Variants in DEPTOR observed in about 807,000 individuals in gnomAD.
DEPTOR encodes the protein DEP domain-containing mTOR-interacting protein.
In DEPTOR, 41 loss-of-function variants were observed where a neutral mutation model predicts 41.6. The observed-to-expected ratio is 0.98, with a 90% confidence interval of 0.77 to 1.28. DEPTOR has a LOEUF of 1.28. DEPTOR is among the 50% of genes most tolerant of loss of function. DEPTOR has a pLI of 0.00. For synonymous variants in DEPTOR, 195 were observed against 192.3 expected (o/e 1.01, Z -0.12); for missense variants, 514 against 527.9 (o/e 0.97, Z 0.26).
intron 4 of DEPTOR, among the ~76,000 whole-genome samples, chr8:119,997,685 G>C (rs1037073301): frequency 3.3e-5 from 5 of 152,296 alleles, no homozygotes; most frequent in African/African-American, 7.2e-5. Flanking sequence ...TGGCACTGGT[G>C]CTCTCTTAGT....
chr8:119,980,356 G>A (rs1475469519), intron 4 of DEPTOR, among the ~76,000 whole-genome samples: 4 of 152,096 alleles, frequency 2.6e-5, no homozygotes, highest in African/African-American at 7.2e-5. Context: ...AGGCTCACGT[G>A]GCTAGTGGCT....
intron 4 of DEPTOR, among the ~76,000 whole-genome samples, chr8:119,989,233 T>TCAAGTGACCCTTGTG (rs1828868650): frequency 6.6e-6 from 1 of 152,164 alleles, no homozygotes; most frequent in African/African-American, 2.4e-5. Context: ...ACTCATGGGC[T>TCAAGTGACCCTTGTG]CAAGTGACCC....
At chr8:120,017,424 G>A (rs1416658494) in intron 8 of DEPTOR, among the ~76,000 whole-genome samples, 1 of 152,188 alleles carries the variant, frequency 6.6e-6, no homozygotes, top group Non-Finnish European at 1.5e-5. Flanking sequence ...TGGAGCCCAA[G>A]AGATGACATA....
chr8:119,880,600 A>T (rs1433206787), intron 1 of DEPTOR, among the ~76,000 whole-genome samples: 1 of 152,242 alleles, frequency 6.6e-6, no homozygotes, highest in African/African-American at 2.4e-5. Context: ...TAAATAAAAA[A>T]GTAGACAAGT....
chr8:119,963,064 G>A (rs1828513134), intron 3 of DEPTOR, among the ~76,000 whole-genome samples: 1 of 152,176 alleles, frequency 6.6e-6, no homozygotes, highest in African/African-American at 2.4e-5. Flanking sequence ...GTAGGGTTGG[G>A]AGTATAGGCC....
intron 4 of DEPTOR, among the ~76,000 whole-genome samples, chr8:119,978,175 T>G (rs1056717612): frequency 6.6e-6 from 1 of 152,146 alleles, no homozygotes; most frequent in African/African-American, 2.4e-5. Flanking sequence ...AAGCATGATC[T>G]TTTACAACAG....
chr8:120,006,783 T>G (rs374890823), intron 6 of DEPTOR, 22 bp from the exon 7 acceptor site: 190 of 1,612,600 alleles, frequency 1.2e-4, no homozygotes, highest in Non-Finnish European at 1.5e-4. Context: ...GCTTATGTCT[T>G]GACATTGTGT....
intron 1 of DEPTOR, among the ~76,000 whole-genome samples, chr8:119,914,090 G>A (rs938567317): frequency 1.3e-4 from 19 of 150,430 alleles, no homozygotes; most frequent in Admixed American, 1.0e-3. Context: ...CTGTCACCCA[G>A]GCTGGAGTGC....
At chr8:120,036,479 C>G (rs1812981196) in intron 8 of DEPTOR, among the ~76,000 whole-genome samples, 1 of 152,284 alleles carries the variant, frequency 6.6e-6, no homozygotes, top group East Asian at 1.9e-4. Flanking sequence ...CACAGTCACT[C>G]CACAGCCAGT....
chr8:119,980,406 A>T (rs1828747286), intron 4 of DEPTOR, among the ~76,000 whole-genome samples: 1 of 151,456 alleles, frequency 6.6e-6, no homozygotes, highest in South Asian at 2.1e-4. Context: ...TTTTGAAACC[A>T]GCAGAGGGCA....
intron 8 of DEPTOR, among the ~76,000 whole-genome samples, chr8:120,041,790 G>A (rs1395026128): frequency 2.6e-5 from 4 of 152,160 alleles, no homozygotes; most frequent in South Asian, 2.1e-4. Flanking sequence ...CACCCACCTC[G>A]CCTCCCAAAG....
intron 3 of DEPTOR, among the ~76,000 whole-genome samples, chr8:119,954,818 G>C (rs1828396802): frequency 1.3e-5 from 2 of 151,482 alleles, no homozygotes; most frequent in Admixed American, 1.3e-4. Flanking sequence ...AGCAAAACCT[G>C]GTGAGTGCTT....
At chr8:119,909,072 C>T (rs1173040968) in intron 1 of DEPTOR, among the ~76,000 whole-genome samples, 2 of 152,158 alleles carry the variant, frequency 1.3e-5, no homozygotes, top group African/African-American at 4.8e-5. Flanking sequence ...GGCTTTGCTT[C>T]CTAGCATCTC....
At chr8:120,022,011 G>A (rs191643334) in intron 8 of DEPTOR, among the ~76,000 whole-genome samples, 27 of 152,120 alleles carry the variant, frequency 1.8e-4, no homozygotes, top group Admixed American at 1.8e-3. Flanking sequence ...TTGGTGGCAC[G>A]TAGTCAGCCA....
intron 4 of DEPTOR, among the ~76,000 whole-genome samples, chr8:119,993,122 G>T (rs760299431): frequency 6.6e-6 from 1 of 151,974 alleles, no homozygotes; most frequent in Non-Finnish European, 1.5e-5. Context: ...AATATATAAG[G>T]GAGGAAAATG....
chr8:119,988,966 T>TTC (rs1187413921), intron 4 of DEPTOR, among the ~76,000 whole-genome samples: 2 of 142,864 alleles, frequency 1.4e-5, no homozygotes, highest in East Asian at 2.3e-4. Context: ...TTCTTTTTTT[T>TTC]TTTTTTTTTT....
At chr8:119,909,057 G>A (rs542664880) in intron 1 of DEPTOR, among the ~76,000 whole-genome samples, 4 of 152,170 alleles carry the variant, frequency 2.6e-5, no homozygotes, top group South Asian at 2.1e-4. Context: ...AGAGTTTGTC[G>A]TATTGGCTTT....
At chr8:119,928,256 T>C in intron 1 of DEPTOR, 144 bp from the exon 2 acceptor site, 1 of 825,122 alleles carries the variant, frequency 1.2e-6, no homozygotes, top group Admixed American at 3.0e-5. Context: ...ACTCTGACAG[T>C]ATGGAAATCA....
chr8:119,926,081 C>T (rs1226070268), intron 1 of DEPTOR, among the ~76,000 whole-genome samples: 17 of 152,094 alleles, frequency 1.1e-4, no homozygotes, highest in Non-Finnish European at 2.1e-4. Flanking sequence ...TGTCTGGCTA[C>T]TTCTGTTTGC....
Sources: allele counts gnomAD v4.1 joint callset (sites outside exome capture counted in the v4.1 genomes callset), GRCh38; gene constraint gnomAD v4.1.1; transcripts MANE v1.5; gene names NCBI Gene and HGNC (gene_info 2026-07-23, HGNC 2026-07-21).